The following HDAC4 variants were observed in gnomAD, a reference collection of about 807,000 sequenced individuals.
HDAC4 encodes the protein histone deacetylase 4, also known as histone deacetylase A.
Under a neutral mutation model 135.1 loss-of-function variants are expected in HDAC4, and 16 were observed. The ratio of observed to expected loss-of-function variants is 0.12; its 90% CI spans 0.08 to 0.18. The LOEUF (loss-of-function observed/expected upper bound fraction) is 0.18, where lower values mean the gene tolerates loss of function less well. Among genes scored for constraint, HDAC4 ranks in the 10% least tolerant of loss-of-function variants. The pLI is 1.00. For synonymous variants in HDAC4, 685 were observed against 653.4 expected, an observed-to-expected ratio of 1.05 and a Z score of -0.74; for missense variants, 1,143 against 1,511.8, an observed-to-expected ratio of 0.76 and a Z score of 4.05.
intron 22 of HDAC4, among the ~76,000 whole-genome samples, chr2:239,071,063 A>G (rs1031782768): frequency 9.2e-5 from 14 of 152,014 alleles, no homozygotes; most frequent in African/African-American, 3.4e-4. Flanking sequence ...AAGCTCTTGC[A>G]AAGGTTTTCT....
intron 3 of HDAC4, among the ~76,000 whole-genome samples, chr2:239,222,534 CA>C (rs10716644): frequency 0.27 from 29,934 of 111,948 alleles, 3,519 homozygotes; most frequent in East Asian, 0.5. Context: ...TACCCCATAC[CA>C]AAAAAAAAAA....
chr2:239,301,402 C>A (rs1005409271), intron 2 of HDAC4, among the ~76,000 whole-genome samples: 1 of 151,882 alleles, frequency 6.6e-6, no homozygotes, highest in Non-Finnish European at 1.5e-5. Context: ...TGATGCCAGG[C>A]GAGGCCAGTG....
At chr2:239,356,959 G>A (rs10182344) in intron 1 of HDAC4, among the ~76,000 whole-genome samples, 41,278 of 152,140 alleles carry the variant, frequency 0.27, 7,133 homozygotes, top group East Asian at 0.79. Flanking sequence ...GCTCTTAGTA[G>A]CTGTTAGAAC....
chr2:239,213,694 G>A (rs1020581246), intron 3 of HDAC4, among the ~76,000 whole-genome samples: 1 of 152,164 alleles, frequency 6.6e-6, no homozygotes, highest in African/African-American at 2.4e-5. Context: ...AAAAACCAAG[G>A]GGAGACGCAC....
intron 1 of HDAC4, among the ~76,000 whole-genome samples, chr2:239,385,014 T>C (rs1324978438): frequency 6.6e-6 from 1 of 152,004 alleles, no homozygotes; most frequent in Non-Finnish European, 1.5e-5. Context: ...ACTGCGGACA[T>C]TTTGTGCACA....
chr2:239,205,057 G>A (rs1191225420), intron 3 of HDAC4, among the ~76,000 whole-genome samples: 1 of 152,210 alleles, frequency 6.6e-6, no homozygotes, highest in Non-Finnish European at 1.5e-5. Context: ...AACTCCTGCA[G>A]GCACTCATCC....
At chr2:239,241,265 G>C (rs948364047) in intron 2 of HDAC4, among the ~76,000 whole-genome samples, 3 of 152,198 alleles carry the variant, frequency 2.0e-5, no homozygotes, top group African/African-American at 7.2e-5. Context: ...AACTGGGAGG[G>C]GAAGGGAGTG....
At chr2:239,401,606 G>A (rs1345402758), upstream of HDAC4, 5 of 247,828 alleles carry the variant, frequency 2.0e-5, no homozygotes, top group East Asian at 3.5e-4. Flanking sequence ...GCTAACGCGG[G>A]GAGCCGGCCA....
chr2:239,310,482 G>T (rs549403404), intron 2 of HDAC4, among the ~76,000 whole-genome samples: 2 of 152,274 alleles, frequency 1.3e-5, no homozygotes, highest in South Asian at 4.1e-4. Context: ...TGATGTTCCC[G>T]GGGGGATGGC....
At chr2:239,194,123 T>C (rs1196235814) in intron 3 of HDAC4, among the ~76,000 whole-genome samples, 2 of 152,106 alleles carry the variant, frequency 1.3e-5, no homozygotes, top group African/African-American at 2.4e-5. Flanking sequence ...TCATTGAGCG[T>C]GGAGGAGATG....
intron 7 of HDAC4, among the ~76,000 whole-genome samples, chr2:239,150,785 G>A (rs774817848): frequency 6.9e-6 from 1 of 145,676 alleles, no homozygotes; most frequent in African/African-American, 2.6e-5. Context: ...GTCTCACTAC[G>A]CTGCACCTCC....
chr2:239,108,396 A>G (rs1575056260), intron 14 of HDAC4, among the ~76,000 whole-genome samples: 1 of 152,250 alleles, frequency 6.6e-6, no homozygotes, highest in East Asian at 1.9e-4. Flanking sequence ...GGCGGGTGGG[A>G]GGGCCTGCCT....
In HDAC4 at chr2:239,144,646, G is replaced by A. The variant is rs2290086; in HGVS notation, c.802C>T (p.Leu268=). The change falls in exon 8 of 27, where the codon CTG becomes TTG. Residue 268 remains leucine (L), a synonymous_variant. Coordinates refer to ENST00000543185, the MANE Select transcript of HDAC4 (RefSeq NM_001378414.1). The part of the protein sequence containing the change: ...QKVAERRSSP[L]LRRKDGPVVT... ...ACTGGCCCGTCTTTCCTGCGTAACAGGGGGCTGCTCCGTCTTTCGGCCACT... is the reference window on the plus strand; with the variant it reads ...ACTGGCCCGTCTTTCCTGCGTAACAAGGGGCTGCTCCGTCTTTCGGCCACT... 1.9e-5 allele frequency: 31 copies of A among 1,613,974 alleles called. No homozygotes were observed. The East Asian group carries it at 5.8e-4, about 30-fold the overall frequency.
chr2:239,067,151 G>A (rs965908397), intron 23 of HDAC4, among the ~76,000 whole-genome samples: 4 of 152,224 alleles, frequency 2.6e-5, no homozygotes, highest in Admixed American at 1.3e-4. Context: ...CCTGCCCTTC[G>A]GCCCCCGCAG....
chr2:239,358,372 G>C (rs571508854), intron 1 of HDAC4, among the ~76,000 whole-genome samples: 78 of 152,346 alleles, frequency 5.1e-4, no homozygotes, highest in African/African-American at 1.9e-3. Context: ...CCAGCTCCTA[G>C]GTTTTTCTGG....
intron 4 of HDAC4, among the ~76,000 whole-genome samples, chr2:239,184,222 G>A (rs531193214): frequency 6.6e-6 from 1 of 152,342 alleles, no homozygotes; most frequent in Non-Finnish European, 1.5e-5. Flanking sequence ...AGCCTTGCAG[G>A]AGGGCGATGT....
chr2:239,349,593 A>C lies in HDAC4; in HGVS notation c.22+3085T>G, dbSNP rs1184301180. ...AGCGAGTGGGCCTCGCCCAGGAGGG[A>C]GGGCACGGTTCTGGGCAAGCCCCAT... is the stretch of plus-strand genomic sequence containing the variant. On this transcript the variant is annotated intron_variant, in intron 2 of 26. Transcript: ENST00000543185. This position sits in a 1 kb window ranked among gnomAD's most constrained non-coding sequence, Gnocchi z 5.7. Among the ~76,000 whole-genome samples, 4 of 152,096 alleles carry C rather than the reference A, an allele frequency of 2.6e-5. No individual in the cohort carries two copies. The highest frequency in any genetic ancestry group is 2.0e-4 in the Admixed American group (3 of 15,286).
At chr2:239,099,490 C>T (rs1488743388) in intron 16 of HDAC4, among the ~76,000 whole-genome samples, 12 of 152,216 alleles carry the variant, frequency 7.9e-5, no homozygotes, top group Admixed American at 2.6e-4. Flanking sequence ...CTGGAGAACC[C>T]GGCCAGAAGC....
intron 2 of HDAC4, among the ~76,000 whole-genome samples, chr2:239,338,205 G>A (rs1030824396): frequency 4.6e-5 from 7 of 152,132 alleles, no homozygotes; most frequent in Non-Finnish European, 7.3e-5. Context: ...CAAAATGCAC[G>A]GTTTCTAGAC....
Sources: allele counts gnomAD v4.1 joint callset (sites outside exome capture counted in the v4.1 genomes callset), GRCh38; gene constraint gnomAD v4.1.1; non-coding constraint Gnocchi (gnomAD v3.1); transcripts MANE v1.5; gene names NCBI Gene and HGNC (gene_info 2026-07-23, HGNC 2026-07-21).